TAOK1: variants seen among roughly 807,000 people sequenced by gnomAD.
The protein encoded by TAOK1 is serine/threonine-protein kinase TAO1.
A neutral mutation model predicts 138.3 loss-of-function variants in TAOK1; 21 were observed. The observed-to-expected ratio is 0.15, with a 90% CI of 0.11 to 0.22. TAOK1 has a LOEUF of 0.22. TAOK1 is among the 10% of genes least tolerant of loss of function. The pLI, the probability that TAOK1 is intolerant of heterozygous loss-of-function variation, is 1.00. For synonymous variants in TAOK1, 361 were observed against 398.4 expected (o/e 0.91, Z 1.12); for missense variants, 651 against 1,227.7 (o/e 0.53, Z 7.02).
At chr17:29,448,951 GTAAC>G (rs1302550916) in intron 1 of TAOK1, among the ~76,000 whole-genome samples, 4 of 152,052 alleles carry the variant, frequency 2.6e-5, no homozygotes, top group African/African-American at 9.7e-5. Context: ...TAAAGGGAGA[GTAAC>G]TGACTTTTCT....
At chr17:29,523,179 T>A (rs1206266253) in intron 17 of TAOK1, among the ~76,000 whole-genome samples, 1 of 152,044 alleles carries the variant, frequency 6.6e-6, no homozygotes, top group Non-Finnish European at 1.5e-5. Flanking sequence ...CCAAGTAAAA[T>A]TTTAAAACCC....
intron 1 of TAOK1, among the ~76,000 whole-genome samples, chr17:29,429,636 C>T (rs952380492): frequency 1.3e-5 from 2 of 152,122 alleles, no homozygotes; most frequent in Non-Finnish European, 1.5e-5. Flanking sequence ...AACAAGTTAA[C>T]ATTGTTACAA....
At chr17:29,402,853 A>G (rs1016670399) in intron 1 of TAOK1, among the ~76,000 whole-genome samples, 1 of 151,708 alleles carries the variant, frequency 6.6e-6, no homozygotes, top group Non-Finnish European at 1.5e-5. Flanking sequence ...CCTGGCCAAC[A>G]TGCTGAAACC....
chr17:29,501,220 T>TAAA (rs2031517302), intron 12 of TAOK1, among the ~76,000 whole-genome samples: 2 of 88,558 alleles, frequency 2.3e-5, no homozygotes, highest in African/African-American at 7.9e-5. Flanking sequence ...CCCCATCTGT[T>TAAA]TAAAAAAAAA....
chr17:29,504,308 G>A (rs1431117008), intron 13 of TAOK1, among the ~76,000 whole-genome samples: 24 of 127,782 alleles, frequency 1.9e-4, no homozygotes, highest in African/African-American at 2.9e-4. Flanking sequence ...AGGAAAGGAA[G>A]AAAAGAAAAG....
At chr17:29,423,513 A>C (rs934726347) in intron 1 of TAOK1, among the ~76,000 whole-genome samples, 1 of 151,688 alleles carries the variant, frequency 6.6e-6, no homozygotes, top group Non-Finnish European at 1.5e-5. Flanking sequence ...CACTGCGCCC[A>C]GCCTCTTCTA....
At chr17:29,468,492 A>G (rs912226619) in intron 3 of TAOK1, among the ~76,000 whole-genome samples, 3 of 151,916 alleles carry the variant, frequency 2.0e-5, no homozygotes, top group Non-Finnish European at 2.9e-5. Flanking sequence ...AAAGATTATC[A>G]GTTTCTAAAA....
At chr17:29,501,739 T>C (rs529883680) in intron 12 of TAOK1, among the ~76,000 whole-genome samples, 2 of 152,006 alleles carry the variant, frequency 1.3e-5, no homozygotes, top group East Asian at 3.9e-4. Flanking sequence ...ATCGGTAGGA[T>C]ATAAATCTAG....
intron 15 of TAOK1, among the ~76,000 whole-genome samples, chr17:29,515,759 C>T (rs549095948): frequency 1.0e-3 from 153 of 151,646 alleles, no homozygotes; most frequent in Non-Finnish European, 1.4e-3. Context: ...TCACTGGAAC[C>T]CAGGAGGTGG....
At chr17:29,401,636 A>AAACCATATCACTTTCTTTTTCC in intron 1 of TAOK1, among the ~76,000 whole-genome samples, 1 of 149,398 alleles carries the variant, frequency 6.7e-6, no homozygotes, top group East Asian at 2.0e-4. Flanking sequence ...ACACAGAGCC[A>AAACCATATCACTTTCTTTTTCC]AACCATATCA....
intron 18 of TAOK1, 141 bp from the exon 19 acceptor site, chr17:29,533,977 C>G (rs184022600): frequency 1.2e-6 from 1 of 819,744 alleles, no homozygotes; most frequent in Non-Finnish European, 1.7e-6. Flanking sequence ...GATGTTTACT[C>G]CAAGATACAA....
At chr17:29,446,399 G>A (rs2030079131) in intron 1 of TAOK1, among the ~76,000 whole-genome samples, 2 of 151,822 alleles carry the variant, frequency 1.3e-5, no homozygotes, top group Admixed American at 1.3e-4. Context: ...GCACTACCAC[G>A]CCCAGCTAGT....
At chr17:29,431,896 T>G (rs1905845906) in intron 1 of TAOK1, among the ~76,000 whole-genome samples, 1 of 147,822 alleles carries the variant, frequency 6.8e-6, no homozygotes, top group Non-Finnish European at 1.5e-5. Context: ...AACCTCTGAC[T>G]CCCGGGTTCA....
intron 18 of TAOK1, among the ~76,000 whole-genome samples, chr17:29,532,840 C>G (rs557397183): frequency 6.6e-6 from 1 of 151,788 alleles, no homozygotes; most frequent in Non-Finnish European, 1.5e-5. Context: ...CATCATGGCC[C>G]GTTCTCAATG....
At chr17:29,541,488 T>A (rs1440889304) in intron 19 of TAOK1, among the ~76,000 whole-genome samples, 1 of 152,018 alleles carries the variant, frequency 6.6e-6, no homozygotes, top group Non-Finnish European at 1.5e-5. Context: ...TTTAAATGCA[T>A]GTCTAAATTT....
chr17:29,397,428 C>A (rs932585344), intron 1 of TAOK1, among the ~76,000 whole-genome samples: 10 of 151,652 alleles, frequency 6.6e-5, no homozygotes, highest in Non-Finnish European at 1.5e-4. Context: ...ATGGTGAAAC[C>A]CTGTCTCTAC....
At chr17:29,495,512 G>T in intron 10 of TAOK1, 48 bp from the exon 11 acceptor site, 2 of 1,493,516 alleles carry the variant, frequency 1.3e-6, no homozygotes, top group Non-Finnish European at 9.0e-7. Flanking sequence ...GGAGTACCTT[G>T]TCACTAATTG....
chr17:29,500,840 A>G (rs1248924424), intron 12 of TAOK1, among the ~76,000 whole-genome samples: 2 of 152,184 alleles, frequency 1.3e-5, no homozygotes, highest in African/African-American at 4.8e-5. Flanking sequence ...TTGAATCTTG[A>G]AAACATGTTA....
chr17:29,523,925 A>G (rs955035936), intron 17 of TAOK1, among the ~76,000 whole-genome samples: 1 of 152,186 alleles, frequency 6.6e-6, no homozygotes, highest in Non-Finnish European at 1.5e-5. Context: ...CTGGAGTACA[A>G]TGAAATTCAT....
Sources: gnomAD v4.1 joint callset for allele counts (sites outside exome capture counted in the v4.1 genomes callset) on GRCh38, gnomAD v4.1.1 for gene constraint, MANE v1.5 for transcripts, NCBI Gene and HGNC (gene_info 2026-07-23, HGNC 2026-07-21) for gene names.